The following OCA2 variants were observed in gnomAD, a reference collection of about 807,000 sequenced individuals.
OCA2 encodes OCA2 melanosomal transmembrane protein.
Under a neutral mutation model 100.2 loss-of-function variants are expected in OCA2, and 77 were observed. That is an observed-to-expected ratio of 0.77 (90% confidence interval 0.64 to 0.93). The LOEUF is 0.93. Among genes scored for constraint, OCA2 ranks in the 40% least tolerant of loss-of-function variants. The probability of loss-of-function intolerance (pLI) is 0.00; values close to 1 mark genes in which losing one functional copy is unlikely to be tolerated. For synonymous variants in OCA2, 432 were observed against 439.2 expected (o/e 0.98, Z 0.21); for missense variants, 1,062 against 1,089.1 (o/e 0.98, Z 0.35).
intron 21 of OCA2, among the ~76,000 whole-genome samples, chr15:27,864,986 A>G (rs1169227850): frequency 1.3e-5 from 2 of 151,694 alleles, no homozygotes; most frequent in African/African-American, 4.8e-5. Context: ...ATTTCCCTGT[A>G]TGGAAATATT....
intron 13 of OCA2, among the ~76,000 whole-genome samples, chr15:27,984,357 C>T (rs1037044846): frequency 2.6e-5 from 4 of 152,124 alleles, no homozygotes; most frequent in South Asian, 2.1e-4. Context: ...AGCTGGGAAA[C>T]ATTGCTCTAA....
chr15:27,949,300 A>T (rs1369174656), intron 18 of OCA2, among the ~76,000 whole-genome samples: 2 of 152,236 alleles, frequency 1.3e-5, no homozygotes, highest in Non-Finnish European at 2.9e-5. Context: ...ATCGTGTGAT[A>T]CGACATCATT....
chr15:27,870,944 G>A lies in OCA2; in HGVS notation c.2244+210C>T, dbSNP rs76599941. Among the ~76,000 whole-genome samples, 2,408 of 152,140 alleles carry A rather than the reference G, an allele frequency of 0.016. 57 individuals carry two copies. The highest frequency in any genetic ancestry group is 0.05 in the African/African-American group (2,091 of 41,490). On this transcript the variant is annotated intron_variant, in intron 21 of 23. Transcript: ENST00000354638. ...AGTCACCCCAGGACGTGCTGTCCAC[G>A]GCAGCTGCAGAGCCTCGGCTCCCAG...
At chr15:28,042,975 G>T (rs1470608) in intron 2 of OCA2, among the ~76,000 whole-genome samples, 59,464 of 152,032 alleles carry the variant, frequency 0.39, 18,975 homozygotes, top group East Asian at 0.89. Context: ...TCATTACAGA[G>T]GGTGCAAATT....
chr15:27,931,864 G>A (rs1023497758), intron 18 of OCA2, among the ~76,000 whole-genome samples: 1 of 152,092 alleles, frequency 6.6e-6, no homozygotes, highest in Non-Finnish European at 1.5e-5. Context: ...ACTTTTGCAA[G>A]ACCACTGTCT....
chr15:28,076,853 CAAAAAAAA>C (rs575299612), intron 2 of OCA2, among the ~76,000 whole-genome samples: 3 of 60,750 alleles, frequency 4.9e-5, no homozygotes, highest in South Asian at 5.7e-4. Context: ...GACTCCGTCT[CAAAAAAAA>C]AAAAAAAAAA....
intron 2 of OCA2, among the ~76,000 whole-genome samples, chr15:28,036,313 T>C (rs1021369070): frequency 1.3e-5 from 2 of 152,158 alleles, no homozygotes; most frequent in African/African-American, 4.8e-5. Flanking sequence ...AGACGTGAGG[T>C]CACTGGATCA....
the OCA2 span, among the ~76,000 whole-genome samples, chr15:27,729,221 T>C: frequency 6.6e-6 from 1 of 152,032 alleles, no homozygotes; most frequent in African/African-American, 2.4e-5. Context: ...TCTCTAAGCC[T>C]GACCTAGGTT....
chr15:28,081,997 G>T, intron 1 of OCA2, 102 bp from the exon 2 acceptor site: 1 of 969,014 alleles, frequency 1.0e-6, no homozygotes, highest in Non-Finnish European at 1.6e-6. Context: ...CTTCGGAGGC[G>T]GTCCCAGAGT....
the OCA2 span, among the ~76,000 whole-genome samples, chr15:27,730,251 A>C: frequency 6.6e-6 from 1 of 152,220 alleles, no homozygotes; most frequent in African/African-American, 2.4e-5. Flanking sequence ...GATACAAGTC[A>C]GGAACAGCCA....
At chr15:27,940,264 G>A (rs2703948) in intron 18 of OCA2, among the ~76,000 whole-genome samples, 75,388 of 152,082 alleles carry the variant, frequency 0.5, 23,002 homozygotes, top group African/African-American at 0.81. Flanking sequence ...GGTGTTTTGT[G>A]TATCGGTTCA....
intron 6 of OCA2, among the ~76,000 whole-genome samples, chr15:28,021,031 T>C (rs143485258): frequency 1.2e-3 from 179 of 152,320 alleles, no homozygotes; most frequent in Admixed American, 2.0e-3. Flanking sequence ...GCAAGCCAGT[T>C]TCCTAAAATT....
At chr15:27,848,761 C>T (rs1423506244) in intron 22 of OCA2, among the ~76,000 whole-genome samples, 5 of 152,264 alleles carry the variant, frequency 3.3e-5, no homozygotes, top group Admixed American at 1.3e-4. Flanking sequence ...CTTGACAGAA[C>T]ACATATAAAT....
chr15:27,925,645 G>A (rs1281240629), intron 19 of OCA2, among the ~76,000 whole-genome samples: 2 of 152,088 alleles, frequency 1.3e-5, no homozygotes, highest in African/African-American at 4.8e-5. Flanking sequence ...TGTTTGAGGA[G>A]GACACAAATT....
the OCA2 span, among the ~76,000 whole-genome samples, chr15:27,742,592 C>A: frequency 6.6e-6 from 1 of 152,192 alleles, no homozygotes; most frequent in Non-Finnish European, 1.5e-5. Context: ...TCCCTTAAAG[C>A]TTTCTGCACA....
chr15:27,936,395 T>C (rs549925641), intron 18 of OCA2, among the ~76,000 whole-genome samples: 1 of 152,328 alleles, frequency 6.6e-6, no homozygotes, highest in Admixed American at 6.5e-5. Context: ...AGCACCTAAC[T>C]ACTTACTCAA....
chr15:28,009,190 C>A (rs74824892), intron 9 of OCA2, among the ~76,000 whole-genome samples: 1 of 152,184 alleles, frequency 6.6e-6, no homozygotes, highest in South Asian at 2.1e-4. Flanking sequence ...TCCTTTAACA[C>A]CCCTGCAGCC....
intron 12 of OCA2, among the ~76,000 whole-genome samples, chr15:27,985,970 C>A (rs1207837952): frequency 6.6e-6 from 1 of 152,176 alleles, no homozygotes; most frequent in Non-Finnish European, 1.5e-5. Flanking sequence ...GGATTACAGG[C>A]GTGAGCCACT....
chr15:27,820,026 T>A (rs1259381430), intron 23 of OCA2, among the ~76,000 whole-genome samples: 3 of 152,154 alleles, frequency 2.0e-5, no homozygotes, highest in Non-Finnish European at 4.4e-5. Context: ...CAGGCACCAA[T>A]GGAGAGCGCT....
Sources: allele counts gnomAD v4.1 joint callset (sites outside exome capture counted in the v4.1 genomes callset), GRCh38; gene constraint gnomAD v4.1.1; transcripts MANE v1.5; gene names NCBI Gene and HGNC (gene_info 2026-07-23, HGNC 2026-07-21).